Variants in ZNF385D observed in about 807,000 individuals in gnomAD.
ZNF385D encodes the protein zinc finger protein 385D, also known as zinc finger protein 659.
Under a neutral mutation model 35.8 loss-of-function variants are expected in ZNF385D, and 15 were observed. The ratio of observed to expected loss-of-function variants is 0.42; its 90% CI spans 0.28 to 0.64. ZNF385D has a LOEUF of 0.64. Among genes scored for constraint, ZNF385D ranks in the 30% least tolerant of loss-of-function variants. The probability of loss-of-function intolerance (pLI) is 0.23; values close to 1 mark genes in which losing one functional copy is unlikely to be tolerated. For missense variants in ZNF385D, 474 were observed against 494.6 expected (o/e 0.96, Z 0.39); for synonymous variants, 212 against 186.8 (o/e 1.13, Z -1.10).
At chr3:22,000,907 T>C (rs1369439427) in intron 3 of ZNF385D, among the ~76,000 whole-genome samples, 1 of 151,992 alleles carries the variant, frequency 6.6e-6, no homozygotes, top group East Asian at 1.9e-4. Flanking sequence ...AAGGGAGTTT[T>C]TTTTTTTCTA....
intron 2 of ZNF385D, among the ~76,000 whole-genome samples, chr3:21,661,766 T>A (rs1010207190): frequency 1.3e-5 from 2 of 152,118 alleles, no homozygotes; most frequent in African/African-American, 2.4e-5. Flanking sequence ...ATCCTGATAG[T>A]CTCATTGAAT....
intron 3 of ZNF385D, among the ~76,000 whole-genome samples, chr3:21,921,042 C>T (rs888270330): frequency 6.7e-6 from 1 of 149,346 alleles, no homozygotes; most frequent in African/African-American, 2.5e-5. Flanking sequence ...AGTGAAACCC[C>T]ATCTCTACTA....
At chr3:22,222,381 T>A (rs1421239860) in intron 2 of ZNF385D, among the ~76,000 whole-genome samples, 1 of 152,190 alleles carries the variant, frequency 6.6e-6, no homozygotes, top group Non-Finnish European at 1.5e-5. Flanking sequence ...AAAAAACTTG[T>A]ATCTACTTAT....
chr3:21,702,149 G>C (rs1403565777), intron 1 of ZNF385D, among the ~76,000 whole-genome samples: 4 of 152,214 alleles, frequency 2.6e-5, no homozygotes, highest in African/African-American at 9.6e-5. Context: ...TTCTCCATGA[G>C]GGTACCACCC....
At chr3:22,255,620 G>A (rs1175398405) in intron 2 of ZNF385D, among the ~76,000 whole-genome samples, 3 of 151,348 alleles carry the variant, frequency 2.0e-5, no homozygotes. Flanking sequence ...ATTTCTACCT[G>A]CCTATTTCTC....
chr3:21,891,646 C>T (rs1698873230), intron 3 of ZNF385D, among the ~76,000 whole-genome samples: 1 of 152,130 alleles, frequency 6.6e-6, no homozygotes, highest in Admixed American at 6.6e-5. Flanking sequence ...GATGTCACAG[C>T]AGTGGAAAAT....
chr3:21,634,408 A>AGGGAAC (rs1057012701), intron 2 of ZNF385D, among the ~76,000 whole-genome samples: 3 of 151,992 alleles, frequency 2.0e-5, no homozygotes, highest in Non-Finnish European at 2.9e-5. Flanking sequence ...AGAAAGGGAA[A>AGGGAAC]GGGAACAATG....
rs545362543 is a variant in ZNF385D at position 21,627,857 on chromosome 3, A to G, written c.165+37029T>C. ...CTGCTGGTCATCTAAGTGCCTTTGA[A>G]TGAAGCAACAATAAGGGTAGATTTT... On this transcript the variant is annotated intron_variant, in intron 2 of 7. Transcript: ENST00000281523. Among the ~76,000 whole-genome samples, 59 of 152,260 alleles carry G rather than the reference A, an allele frequency of 3.9e-4. No homozygotes were observed. In the South Asian group the frequency reaches 0.012, roughly 30 times the overall value.
intron 2 of ZNF385D, among the ~76,000 whole-genome samples, chr3:21,650,828 G>A (rs1431524723): frequency 8.5e-5 from 13 of 152,074 alleles, no homozygotes. Context: ...AAATAGAGTG[G>A]AAGTTATTAA....
intron 3 of ZNF385D, among the ~76,000 whole-genome samples, chr3:22,024,467 T>C (rs1697417090): frequency 6.6e-6 from 1 of 152,090 alleles, no homozygotes; most frequent in Non-Finnish European, 1.5e-5. Flanking sequence ...AGTTGGCTGC[T>C]TGATATGATT....
intron 2 of ZNF385D, among the ~76,000 whole-genome samples, chr3:22,187,830 T>C (rs755093522): frequency 5.3e-5 from 8 of 152,296 alleles, no homozygotes; most frequent in Admixed American, 1.3e-4. Context: ...TGGGATGCAG[T>C]TGGACACTGA....
chr3:22,024,106 G>T (rs1258309371), intron 3 of ZNF385D, among the ~76,000 whole-genome samples: 2 of 151,958 alleles, frequency 1.3e-5, no homozygotes, highest in African/African-American at 4.8e-5. Flanking sequence ...TATAAAGCAG[G>T]CAGAAAAAAA....
intron 2 of ZNF385D, among the ~76,000 whole-genome samples, chr3:22,316,280 T>G (rs1400351610): frequency 6.6e-6 from 1 of 152,204 alleles, no homozygotes; most frequent in Non-Finnish European, 1.5e-5. Context: ...GATTTGAGTA[T>G]TATTAAACTC....
chr3:22,208,940 T>G (rs190953290), intron 2 of ZNF385D, among the ~76,000 whole-genome samples: 1 of 151,994 alleles, frequency 6.6e-6, no homozygotes, highest in Non-Finnish European at 1.5e-5. Flanking sequence ...GTCAGTTTTG[T>G]AATGTTTGTT....
chr3:21,444,561 A>G (rs528204050), intron 4 of ZNF385D, among the ~76,000 whole-genome samples: 30 of 151,146 alleles, frequency 2.0e-4, no homozygotes, highest in Non-Finnish European at 3.2e-4. Flanking sequence ...ATTTTTTTGT[A>G]TTTTTAGTAG....
At chr3:21,562,226 A>G (rs935414139) in intron 3 of ZNF385D, 7 of 152,202 alleles carry the variant, frequency 4.6e-5, no homozygotes, top group African/African-American at 1.4e-4. Context: ...ATAAGAATAC[A>G]TTTTTGAAAA....
chr3:21,465,974 C>T lies in ZNF385D; in HGVS notation c.440-28771G>A, dbSNP rs1302698259. ...CATCTCCACTAGGGTTTGCAAAAAT[C>T]TTAGAAAAGTGGGTCTCCATCTTCA... On this transcript the variant is annotated intron_variant, in intron 4 of 7. Coordinates refer to ENST00000281523, the MANE Select transcript of ZNF385D (RefSeq NM_024697.3). This position sits in a 1 kb window ranked among gnomAD's most constrained non-coding sequence, Gnocchi z 4.2. Among the ~76,000 whole-genome samples, 1 of 152,174 alleles carries T rather than the reference C, an allele frequency of 6.6e-6. No individual in the cohort carries two copies. Among genetic ancestry groups the T allele is most frequent in the African/African-American group, 2.4e-5 (1 of 41,444 alleles).
At chr3:22,003,258 C>A (rs966015614) in intron 3 of ZNF385D, among the ~76,000 whole-genome samples, 1 of 152,120 alleles carries the variant, frequency 6.6e-6, no homozygotes, top group Non-Finnish European at 1.5e-5. Flanking sequence ...ATACAGAAAT[C>A]AATAGCTTTT....
intron 3 of ZNF385D, among the ~76,000 whole-genome samples, chr3:22,155,235 A>C (rs17010912): frequency 0.21 from 31,777 of 152,054 alleles, 3,540 homozygotes; most frequent in East Asian, 0.42. Flanking sequence ...AAGTACAGAA[A>C]AACATTATTG....
Sources: allele counts gnomAD v4.1 joint callset (sites outside exome capture counted in the v4.1 genomes callset), GRCh38; gene constraint gnomAD v4.1.1; non-coding constraint Gnocchi (gnomAD v3.1); transcripts MANE v1.5; gene names NCBI Gene and HGNC (gene_info 2026-07-23, HGNC 2026-07-21).